Variants in GULP1 observed in about 807,000 individuals in gnomAD.
The protein encoded by GULP1 is PTB domain-containing engulfment adapter protein 1.
In GULP1, 19 loss-of-function variants were observed where a neutral mutation model predicts 40.9. That is an observed-to-expected ratio of 0.46 (90% CI 0.32 to 0.68). GULP1 has a LOEUF of 0.68. Ranked by LOEUF, GULP1 falls within the 30% of genes least tolerant of loss-of-function variation. The probability of loss-of-function intolerance (pLI) is 0.03; values close to 1 mark genes in which losing one functional copy is unlikely to be tolerated. For synonymous variants in GULP1, 119 were observed against 117.6 expected (o/e 1.01, Z -0.08); for missense variants, 312 against 362.2 (o/e 0.86, Z 1.12).
intron 9 of GULP1, among the ~76,000 whole-genome samples, chr2:188,571,551 C>T (rs1699035856): frequency 6.6e-6 from 1 of 152,132 alleles, no homozygotes; most frequent in Admixed American, 6.6e-5. Context: ...GCATCCTCTT[C>T]AGGTTCTGGT....
At chr2:188,510,005 C>A (rs1046077125) in intron 4 of GULP1, among the ~76,000 whole-genome samples, 5 of 151,928 alleles carry the variant, frequency 3.3e-5, no homozygotes, top group Admixed American at 6.6e-5. Context: ...GAAATCATAA[C>A]GATAATCCAG....
chr2:188,419,116 G>A (rs1389202571), intron 2 of GULP1, among the ~76,000 whole-genome samples: 2 of 152,078 alleles, frequency 1.3e-5, no homozygotes, highest in Non-Finnish European at 2.9e-5. Flanking sequence ...TTGCTCACTG[G>A]ACATTTAGGT....
chr2:188,537,760 G>A (rs1318138112), intron 6 of GULP1, among the ~76,000 whole-genome samples: 1 of 152,040 alleles, frequency 6.6e-6, no homozygotes, highest in Non-Finnish European at 1.5e-5. Flanking sequence ...AGTGGAATTG[G>A]TACCAACTCT....
At chr2:188,470,912 ATC>A (rs1472555820) in intron 2 of GULP1, among the ~76,000 whole-genome samples, 2 of 152,172 alleles carry the variant, frequency 1.3e-5, no homozygotes, top group African/African-American at 4.8e-5. Flanking sequence ...TTCTGTAAAT[ATC>A]TGTTACCTCC....
At chr2:188,463,451 C>A (rs1279646817) in intron 2 of GULP1, among the ~76,000 whole-genome samples, 1 of 152,094 alleles carries the variant, frequency 6.6e-6, no homozygotes, top group Non-Finnish European at 1.5e-5. Flanking sequence ...CTTTCTTTAT[C>A]CTTGACCTTT....
At chr2:188,513,784 C>A (rs879351582) in intron 4 of GULP1, among the ~76,000 whole-genome samples, 1 of 151,896 alleles carries the variant, frequency 6.6e-6, no homozygotes, top group African/African-American at 2.4e-5. Context: ...AAAAATTCAC[C>A]GTAATAAATT....
At chr2:188,542,644 C>T (rs1690840121) in intron 7 of GULP1, among the ~76,000 whole-genome samples, 3 of 151,662 alleles carry the variant, frequency 2.0e-5, no homozygotes, top group Non-Finnish European at 2.9e-5. Flanking sequence ...AGATGCTTAG[C>T]AATATAAGAC....
At chr2:188,305,231 GACGT>G in intron 1 of GULP1, among the ~76,000 whole-genome samples, 1 of 152,308 alleles carries the variant, frequency 6.6e-6, no homozygotes, top group East Asian at 1.9e-4. Context: ...TGCATAGGGC[GACGT>G]ATAGGGACTT....
At chr2:188,455,682 G>A (rs2059200412) in intron 2 of GULP1, among the ~76,000 whole-genome samples, 1 of 152,186 alleles carries the variant, frequency 6.6e-6, no homozygotes, top group Non-Finnish European at 1.5e-5. Flanking sequence ...GTAGAGTGGG[G>A]CACTGCTGAA....
In GULP1 at chr2:188,423,497, G is replaced by A. The variant is rs533330259; in HGVS notation, c.-45+39608G>A. On this transcript the variant is annotated intron_variant, in intron 2 of 11. Transcript: ENST00000409830. ...TGAAATAAAACAATTGTTCCATTCA[G>A]AGATTACATGATTATGATTCAATTG... Among the ~76,000 whole-genome samples the A allele has an allele frequency of 1.8e-4, 28 of 151,738 alleles. No homozygotes were observed. The South Asian group carries it at 5.8e-3, about 32-fold the overall frequency.
chr2:188,305,532 C>T (rs1224632699), intron 1 of GULP1, among the ~76,000 whole-genome samples: 6 of 152,088 alleles, frequency 3.9e-5, no homozygotes. Flanking sequence ...TAGAGTCCTG[C>T]TTGGGCAGGT....
rs1225970184 is a variant in GULP1, at chr2:188,595,903, T to G, written c.*1892T>G. ...AACTCAACGATATGTTTGGTTTTCC[T>G]GAAAATAAATGATTTTAAATAAATT... On this transcript the variant is annotated 3_prime_UTR_variant, in exon 12 of 12. Coordinates refer to ENST00000409830, the MANE Select transcript of GULP1 (RefSeq NM_016315.4). 1 of 152,294 alleles carries G rather than the reference T, an allele frequency of 6.6e-6. No individual in the cohort carries two copies. The highest frequency in any genetic ancestry group is 2.4e-5 in the African/African-American group (1 of 41,426). The allele number at this position is 152,294 out of a possible 1,614,324, so 9.4% of individuals were successfully genotyped here.
chr2:188,572,127 T>C (rs1293477877), intron 9 of GULP1, among the ~76,000 whole-genome samples: 1 of 152,162 alleles, frequency 6.6e-6, no homozygotes, highest in Non-Finnish European at 1.5e-5. Flanking sequence ...GCTTCAGAAA[T>C]GACAAAGGAC....
At chr2:188,532,990 A>G (rs559531188) in intron 6 of GULP1, among the ~76,000 whole-genome samples, 1 of 152,166 alleles carries the variant, frequency 6.6e-6, no homozygotes, top group East Asian at 1.9e-4. Flanking sequence ...TTAGGCTATC[A>G]TATCTGTTTG....
chr2:188,343,350 C>CT (rs137911488), intron 1 of GULP1, among the ~76,000 whole-genome samples: 117 of 150,900 alleles, frequency 7.8e-4, no homozygotes, highest in Non-Finnish European at 1.2e-3. Context: ...GCAATCAATA[C>CT]TTTTTTTTTA....
chr2:188,362,673 T>A (rs746453840), intron 1 of GULP1, among the ~76,000 whole-genome samples: 3 of 152,154 alleles, frequency 2.0e-5, no homozygotes, highest in Non-Finnish European at 2.9e-5. Flanking sequence ...ACTACAGTCC[T>A]CTTAGCCATA....
chr2:188,534,036 G>A (rs1164504852), intron 6 of GULP1, among the ~76,000 whole-genome samples: 1 of 152,216 alleles, frequency 6.6e-6, no homozygotes, highest in Non-Finnish European at 1.5e-5. Context: ...TGGTGGGAAT[G>A]TAAATTCGTT....
chr2:188,541,581 T>G (rs1690500896), intron 7 of GULP1: 1 of 570,112 alleles, frequency 1.8e-6, no homozygotes, highest in Non-Finnish European at 3.1e-6. Flanking sequence ...CCTGCTTATG[T>G]TATGCATGTA....
At chr2:188,369,002 G>A (rs1384568175) in intron 1 of GULP1, among the ~76,000 whole-genome samples, 2 of 120,346 alleles carry the variant, frequency 1.7e-5, no homozygotes, top group African/African-American at 3.1e-5. Context: ...TCACTCTGTC[G>A]CCCAGGCTGG....
Sources: allele counts gnomAD v4.1 joint callset (sites outside exome capture counted in the v4.1 genomes callset), GRCh38; gene constraint gnomAD v4.1.1; transcripts MANE v1.5; gene names NCBI Gene and HGNC (gene_info 2026-07-23, HGNC 2026-07-21).